Variants in PITPNC1 observed in about 807,000 individuals in gnomAD.
PITPNC1 encodes the protein phosphatidylinositol transfer protein cytoplasmic 1.
PITPNC1 carries 18 observed loss-of-function variants against 44.7 expected under a neutral mutation model. That is an observed-to-expected ratio of 0.40 (90% CI 0.28 to 0.60). The LOEUF (loss-of-function observed/expected upper bound fraction) is 0.60, where lower values mean the gene tolerates loss of function less well. Ranked by LOEUF, PITPNC1 falls within the 20% of genes least tolerant of loss-of-function variation. The pLI is 0.39. For synonymous variants in PITPNC1, 141 were observed against 149.6 expected (o/e 0.94, Z 0.42); for missense variants, 290 against 418.4 (o/e 0.69, Z 2.68).
chr17:67,653,849 G>A (rs527391487), intron 6 of PITPNC1, among the ~76,000 whole-genome samples: 14 of 152,358 alleles, frequency 9.2e-5, no homozygotes, highest in African/African-American at 3.1e-4. Context: ...GGAAAGGACA[G>A]CGTATGCCTC....
At chr17:67,554,504 C>T (rs1208469769) in intron 4 of PITPNC1, among the ~76,000 whole-genome samples, 1 of 152,098 alleles carries the variant, frequency 6.6e-6, no homozygotes, top group African/African-American at 2.4e-5. Context: ...GCGATCCGCC[C>T]ACCTTGGCTT....
intron 5 of PITPNC1, among the ~76,000 whole-genome samples, chr17:67,598,357 C>T (rs1417176635): frequency 1.3e-5 from 2 of 152,188 alleles, no homozygotes; most frequent in East Asian, 1.9e-4. Context: ...GTTTTTGTAA[C>T]GAATGGGTGT....
chr17:67,611,009 T>C (rs763527821), intron 5 of PITPNC1, among the ~76,000 whole-genome samples: 1 of 152,064 alleles, frequency 6.6e-6, no homozygotes, highest in Non-Finnish European at 1.5e-5. Context: ...CAAGATGTCA[T>C]CTGCTGGCAA....
intron 5 of PITPNC1, among the ~76,000 whole-genome samples, chr17:67,581,746 C>T (rs1024190111): frequency 1.3e-5 from 2 of 152,130 alleles, no homozygotes; most frequent in African/African-American, 4.8e-5. Context: ...AGAAAAGGAG[C>T]GTTGCGCCGA....
At chr17:67,424,987 C>T (rs1021288132) in intron 1 of PITPNC1, among the ~76,000 whole-genome samples, 8 of 151,974 alleles carry the variant, frequency 5.3e-5, no homozygotes, top group African/African-American at 1.9e-4. Flanking sequence ...TAATCTTCCC[C>T]ACCCTTAAGA....
chr17:67,670,220 A>G (rs2042490617), intron 7 of PITPNC1, among the ~76,000 whole-genome samples: 2 of 152,216 alleles, frequency 1.3e-5, no homozygotes, highest in Non-Finnish European at 2.9e-5. Context: ...CTATTAGGCA[A>G]GCGTATTTGG....
intron 1 of PITPNC1, among the ~76,000 whole-genome samples, chr17:67,462,146 G>A (rs1392567867): frequency 7.5e-6 from 1 of 134,060 alleles, no homozygotes; most frequent in African/African-American, 2.8e-5. Context: ...AGAGAGTTAT[G>A]TTTATTATGG....
intron 1 of PITPNC1, among the ~76,000 whole-genome samples, chr17:67,380,028 A>T (rs1442252879): frequency 6.6e-6 from 1 of 151,134 alleles, no homozygotes; most frequent in African/African-American, 2.4e-5. Flanking sequence ...TTTGAATGAT[A>T]TAGGTGGAGG....
intron 1 of PITPNC1, among the ~76,000 whole-genome samples, chr17:67,494,254 G>A (rs1182117809): frequency 1.6e-5 from 2 of 121,674 alleles, no homozygotes; most frequent in Non-Finnish European, 3.4e-5. Flanking sequence ...AGACTGGAGT[G>A]CAGTGGCGCA....
chr17:67,512,307 T>G (rs908033519), intron 1 of PITPNC1, among the ~76,000 whole-genome samples: 2 of 152,122 alleles, frequency 1.3e-5, no homozygotes, highest in African/African-American at 2.4e-5. Flanking sequence ...GAGGCCAGCC[T>G]GATCAAACAG....
chr17:67,478,937 TCTC>T (rs970674003), intron 1 of PITPNC1, among the ~76,000 whole-genome samples: 29 of 151,948 alleles, frequency 1.9e-4, no homozygotes, highest in African/African-American at 6.5e-4. Context: ...GCCTCTCTGT[TCTC>T]CTCTGTTGCC....
At chr17:67,610,653 T>G (rs2144292329) in intron 5 of PITPNC1, among the ~76,000 whole-genome samples, 1 of 152,206 alleles carries the variant, frequency 6.6e-6, no homozygotes, top group South Asian at 2.1e-4. Flanking sequence ...CCGGGCGTGG[T>G]GGCTCACGCC....
intron 5 of PITPNC1, chr17:67,612,099 A>C (rs1363812735): frequency 6.6e-6 from 1 of 152,234 alleles, no homozygotes; most frequent in Admixed American, 6.5e-5. Context: ...GTGATCAAGA[A>C]AGCCTTGGCA....
chr17:67,602,734 G>T (rs2041558263), intron 5 of PITPNC1, among the ~76,000 whole-genome samples: 2 of 151,938 alleles, frequency 1.3e-5, no homozygotes, highest in African/African-American at 4.8e-5. Context: ...CTAACCTTGG[G>T]AATTTTTTTT....
At chr17:67,624,892 G>T (rs1051715812) in intron 5 of PITPNC1, among the ~76,000 whole-genome samples, 1 of 152,102 alleles carries the variant, frequency 6.6e-6, no homozygotes, top group African/African-American at 2.4e-5. Context: ...ATCAAGATTT[G>T]TAAGACACTT....
At chr17:67,455,124 A>G (rs1234773151) in intron 1 of PITPNC1, among the ~76,000 whole-genome samples, 2 of 152,098 alleles carry the variant, frequency 1.3e-5, no homozygotes, top group Non-Finnish European at 2.9e-5. Context: ...CCCAGCCTAC[A>G]CATATTTCAA....
At chr17:67,387,390 G>C (rs2038070900) in intron 1 of PITPNC1, among the ~76,000 whole-genome samples, 1 of 152,224 alleles carries the variant, frequency 6.6e-6, no homozygotes, top group African/African-American at 2.4e-5. Context: ...CTCTGGCCAG[G>C]CACAGCGGCT....
chr17:67,389,735 T>G (rs1894343535), intron 1 of PITPNC1, among the ~76,000 whole-genome samples: 2 of 152,076 alleles, frequency 1.3e-5, no homozygotes, highest in Non-Finnish European at 2.9e-5. Flanking sequence ...GCTAGAGTGC[T>G]ATGGCGCAAT....
chr17:67,650,506 T>C (rs1436746129), intron 6 of PITPNC1, among the ~76,000 whole-genome samples: 1 of 134,828 alleles, frequency 7.4e-6, no homozygotes, highest in Non-Finnish European at 1.5e-5. Context: ...TGGAGTGCAG[T>C]GGTGCGATCT....
Sources: gnomAD v4.1 joint callset for allele counts (sites outside exome capture counted in the v4.1 genomes callset) on GRCh38, gnomAD v4.1.1 for gene constraint, MANE v1.5 for transcripts, NCBI Gene and HGNC (gene_info 2026-07-23, HGNC 2026-07-21) for gene names.